Variants in STAU2 observed in about 807,000 individuals in gnomAD.
The protein encoded by STAU2 is staufen double-stranded RNA binding protein 2.
A neutral mutation model predicts 65.9 loss-of-function variants in STAU2; 20 were observed. The observed-to-expected ratio is 0.30, with a 90% CI of 0.21 to 0.44. The LOEUF (loss-of-function observed/expected upper bound fraction) is 0.44. Ranked by LOEUF, STAU2 falls within the 20% of genes least tolerant of loss-of-function variation. The pLI, the probability that STAU2 is intolerant of heterozygous loss-of-function variation, is 1.00. For missense variants in STAU2, 558 were observed against 683.9 expected (o/e 0.82, Z 2.05); for synonymous variants, 232 against 233.9 (o/e 0.99, Z 0.07).
chr8:73,734,771 G>T (rs892187721), intron 3 of STAU2, among the ~76,000 whole-genome samples: 1 of 151,720 alleles, frequency 6.6e-6, no homozygotes, highest in African/African-American at 2.4e-5. Context: ...TCCAGCATGG[G>T]CAACAGAGTG....
chr8:73,741,792 C>T (rs1806903545), intron 1 of STAU2, among the ~76,000 whole-genome samples: 1 of 152,170 alleles, frequency 6.6e-6, no homozygotes, highest in African/African-American at 2.4e-5. Flanking sequence ...AGATTACAGG[C>T]GTGAGCCACC....
intron 5 of STAU2, among the ~76,000 whole-genome samples, chr8:73,687,368 A>AATTTATATTTATAATTTAT (rs374441067): frequency 8.6e-6 from 1 of 116,794 alleles, no homozygotes; most frequent in African/African-American, 3.3e-5. Flanking sequence ...ATATAAATAT[A>AATTTATATTTATAATTTAT]ATTTATAATT....
intron 13 of STAU2, among the ~76,000 whole-genome samples, chr8:73,478,711 AT>A (rs768725962): frequency 4.6e-5 from 7 of 151,734 alleles, no homozygotes; most frequent in Non-Finnish European, 1.0e-4. Flanking sequence ...CAATATATGC[AT>A]TTTGCATATT....
At chr8:73,528,769 A>G (rs1035030111) in intron 13 of STAU2, among the ~76,000 whole-genome samples, 19 of 152,160 alleles carry the variant, frequency 1.2e-4, no homozygotes, top group Admixed American at 8.5e-4. Flanking sequence ...TACCTGAGTT[A>G]GTTCCTTGTC....
At chr8:73,438,829 A>G in intron 13 of STAU2, 1 of 401,950 alleles carries the variant, frequency 2.5e-6, no homozygotes, top group Admixed American at 2.8e-5. Flanking sequence ...GCACCAGCAA[A>G]TTTGCAACGT....
Position 73,421,420 on chromosome 8 carries a change from G to T in STAU2, c.1665C>A (p.Pro555=). 1 of 1,537,240 alleles carries T rather than the reference G, an allele frequency of 6.5e-7. No homozygotes were observed. Among genetic ancestry groups the T allele is most frequent in the African/African-American group, 1.4e-5 (1 of 73,148 alleles). The part of the protein sequence containing the change: ...LREKADNNQA[P]PGSIAQDCKK... ...TGCAGTCCTGAGCGATGGAGCCCGGGGGTGCCTGGTTATTGTCCGCTTTCT... is the reference window on the plus strand; with the variant it reads ...TGCAGTCCTGAGCGATGGAGCCCGGTGGTGCCTGGTTATTGTCCGCTTTCT... Residue 555 remains proline, a synonymous_variant, in exon 15 of 15, where the codon CCC becomes CCA. Transcript: ENST00000524300.
chr8:73,689,837 CT>C (rs373598957), intron 4 of STAU2, among the ~76,000 whole-genome samples: 11 of 152,242 alleles, frequency 7.2e-5, no homozygotes, highest in African/African-American at 1.7e-4. Flanking sequence ...CATGTGCCCC[CT>C]GATACAATCC....
Position 73,617,512 on chromosome 8 carries a change from T to C in STAU2, c.411-61A>G, listed in dbSNP as rs528478143. On this transcript the variant is annotated intron_variant, in intron 6 of 14. Transcript: ENST00000524300. Reference sequence around the variant, plus strand: ...AATAAAACCACTCTATAATCATTCATAAGATTTGTTTAAAATGATACCAAT... The same window carrying C: ...AATAAAACCACTCTATAATCATTCACAAGATTTGTTTAAAATGATACCAAT... 29 of 1,487,974 alleles carry C rather than the reference T, an allele frequency of 1.9e-5. No individual in the cohort carries two copies. In the African/African-American group the frequency reaches 2.4e-4, roughly 12 times the overall value. The allele number at this position is 1,487,974 out of a possible 1,614,324, so 92.2% of individuals were successfully genotyped here. A position where few individuals can be genotyped will look rare whatever the true frequency, so the allele number is the denominator to read the frequency against.
chr8:73,454,040 T>C (rs1021319854), intron 13 of STAU2, among the ~76,000 whole-genome samples: 1 of 150,432 alleles, frequency 6.6e-6, no homozygotes, highest in Non-Finnish European at 1.5e-5. Context: ...GATCACCTAA[T>C]TCTAAATATA....
At chr8:73,695,694 C>T (rs746175187) in intron 4 of STAU2, among the ~76,000 whole-genome samples, 1 of 152,120 alleles carries the variant, frequency 6.6e-6, no homozygotes, top group Non-Finnish European at 1.5e-5. Context: ...ACAGCATTTC[C>T]GGATCTACTT....
intron 12 of STAU2, chr8:73,561,284 A>G (rs1808208625): frequency 3.0e-6 from 1 of 328,078 alleles, no homozygotes; most frequent in African/African-American, 2.2e-5. Context: ...AATAAGGAAG[A>G]TTTCACTTAG....
intron 5 of STAU2, among the ~76,000 whole-genome samples, chr8:73,674,430 G>C (rs1265942808): frequency 6.6e-6 from 1 of 151,756 alleles, no homozygotes; most frequent in Non-Finnish European, 1.5e-5. Flanking sequence ...TTAGTAACAA[G>C]TAATATGCTT....
rs184577884 is a variant in STAU2, at chr8:73,676,180, C to T, written c.275-2938G>A. ...TTAACTCCTCATTAGGATATAACTT[C>T]TTTTTAAGACCCATCTACACACTGT... On this transcript the variant is annotated intron_variant, in intron 5 of 14. Coordinates refer to ENST00000524300, the MANE Select transcript of STAU2 (RefSeq NM_001164380.2). Among the ~76,000 whole-genome samples the T allele has an allele frequency of 7.9e-5, 12 of 151,704 alleles. 1 individual carries two copies. The East Asian group carries it at 2.3e-3, about 30-fold the overall frequency.
Position 73,613,794 on chromosome 8 carries a change from C to T in STAU2, c.841G>A (p.Val281Met). ...TTAAAAAATAGTTTTGGCTTTTCCA[C>T]CACAGGAAGAGGTGGAAGTTTTTTA... ...ELKKLPPLPV[V>M]EKPKLFFKKR... The change falls in exon 9 of 15, where the codon GTG becomes ATG. Residue 281 changes from valine to methionine, a missense_variant. Val to Met is a conservative substitution (Grantham distance 21). Around this residue, in one of 3 missense-constraint regions of STAU2, gnomAD observed 199 missense variants for 299.5 expected, o/e 0.66. Coordinates refer to ENST00000524300, the MANE Select transcript of STAU2 (RefSeq NM_001164380.2). 6.2e-7 allele frequency: 1 copy of T among 1,613,428 alleles called. No homozygotes were observed. Among genetic ancestry groups the T allele is most frequent in the Non-Finnish European group, 8.5e-7 (1 of 1,179,730 alleles).
intron 13 of STAU2, among the ~76,000 whole-genome samples, chr8:73,489,264 T>C (rs73686975): frequency 0.033 from 5,002 of 152,040 alleles, 239 homozygotes; most frequent in African/African-American, 0.11. Flanking sequence ...AAAATATTAA[T>C]TGCATTACTG....
At chr8:73,618,094 G>C (rs1586132880) in intron 6 of STAU2, among the ~76,000 whole-genome samples, 1 of 152,058 alleles carries the variant, frequency 6.6e-6, no homozygotes, top group East Asian at 1.9e-4. Context: ...AAATTAAGCA[G>C]AAAAAATTAA....
At chr8:73,567,634 A>C (rs1393883918) in intron 12 of STAU2, among the ~76,000 whole-genome samples, 1 of 150,212 alleles carries the variant, frequency 6.7e-6, no homozygotes, top group Non-Finnish European at 1.5e-5. Context: ...TGCAACCTCC[A>C]CCTCCCAGGT....
At chr8:73,505,457 G>C (rs1485276813) in intron 13 of STAU2, among the ~76,000 whole-genome samples, 1 of 152,008 alleles carries the variant, frequency 6.6e-6, no homozygotes, top group Non-Finnish European at 1.5e-5. Context: ...AGGTTGGACG[G>C]AGTACCACAG....
intron 14 of STAU2, 149 bp from the exon 15 acceptor site, chr8:73,421,614 C>A (rs1816380892): frequency 2.9e-6 from 2 of 692,720 alleles, no homozygotes; most frequent in Non-Finnish European, 4.8e-6. Context: ...AGATAGTCTA[C>A]TGATGAGATC....
Sources: gnomAD v4.1 joint callset for allele counts (sites outside exome capture counted in the v4.1 genomes callset) on GRCh38, gnomAD v4.1.1 for gene constraint, gnomAD v4.1.1 regional missense constraint, MANE v1.5 for transcripts, NCBI Gene and HGNC (gene_info 2026-07-23, HGNC 2026-07-21) for gene names.